ENTREP2: variants seen among roughly 807,000 people sequenced by gnomAD.
ENTREP2 encodes the protein protein ENTREP2.
chr15:29,499,577 T>C, the ENTREP2 span, among the ~76,000 whole-genome samples: 1 of 151,794 alleles, frequency 6.6e-6, no homozygotes, highest in Non-Finnish European at 1.5e-5. Flanking sequence ...GGTCTCACTA[T>C]GTTGCCCAGG....
At chr15:29,211,195 G>A in the ENTREP2 span, among the ~76,000 whole-genome samples, 73 of 152,302 alleles carry the variant, frequency 4.8e-4, no homozygotes, top group African/African-American at 1.6e-3. Context: ...AAATGAGGGA[G>A]GCCTCATTTG....
At chr15:29,571,375 C>T in the ENTREP2 span, among the ~76,000 whole-genome samples, 1 of 150,968 alleles carries the variant, frequency 6.6e-6, no homozygotes, top group African/African-American at 2.5e-5. Context: ...GCGCGCGGGG[C>T]GCTGAGGACG....
the ENTREP2 span, chr15:29,269,317 G>T: frequency 6.2e-7 from 1 of 1,614,148 alleles, no homozygotes; most frequent in Admixed American, 1.7e-5. Flanking sequence ...GCGCTCGGCG[G>T]CCCGTTTGAA....
the ENTREP2 span, chr15:29,269,290 C>T: frequency 6.2e-7 from 1 of 1,614,162 alleles, no homozygotes; most frequent in Non-Finnish European, 8.5e-7. Flanking sequence ...CAGCTTATAC[C>T]CGAAGACGTA....
the ENTREP2 span, among the ~76,000 whole-genome samples, chr15:29,341,023 C>A: frequency 6.6e-6 from 1 of 152,200 alleles, no homozygotes; most frequent in Non-Finnish European, 1.5e-5. Flanking sequence ...GGAGCCAGCA[C>A]CATCTCACAC....
At chr15:29,265,245 T>A in the ENTREP2 span, 1 of 152,236 alleles carries the variant, frequency 6.6e-6, no homozygotes, top group Non-Finnish European at 1.5e-5. Context: ...GAGCCTGCTG[T>A]AACTGCTTCT....
the ENTREP2 span, among the ~76,000 whole-genome samples, chr15:29,155,034 G>A: frequency 6.6e-6 from 1 of 151,862 alleles, no homozygotes; most frequent in Admixed American, 6.5e-5. Flanking sequence ...TGTAATCCCA[G>A]CACTTTGGGA....
the ENTREP2 span, among the ~76,000 whole-genome samples, chr15:29,568,826 G>A: frequency 6.6e-6 from 1 of 151,882 alleles, no homozygotes; most frequent in African/African-American, 2.4e-5. Context: ...AAACTAAAAT[G>A]TAGGGGATGA....
chr15:29,595,723 T>C, the ENTREP2 span, among the ~76,000 whole-genome samples: 2 of 152,188 alleles, frequency 1.3e-5, no homozygotes, highest in African/African-American at 4.8e-5. Context: ...TAATCTATCC[T>C]TCATTCACCT....
chr15:29,377,180 T>C, the ENTREP2 span, among the ~76,000 whole-genome samples: 1 of 152,124 alleles, frequency 6.6e-6, no homozygotes, highest in Admixed American at 6.5e-5. Context: ...TTAAAAATCA[T>C]TGAAATCAAG....
chr15:29,517,065 T>C, the ENTREP2 span, among the ~76,000 whole-genome samples: 1 of 150,220 alleles, frequency 6.7e-6, no homozygotes, highest in Non-Finnish European at 1.5e-5. Context: ...AAAGGCAGCA[T>C]GGCAGCAGCT....
the ENTREP2 span, among the ~76,000 whole-genome samples, chr15:29,621,174 G>C: frequency 6.6e-6 from 1 of 151,958 alleles, no homozygotes; most frequent in East Asian, 1.9e-4. Flanking sequence ...CGGATCACAA[G>C]GTCAGGAGAT....
chr15:29,621,576 G>C, the ENTREP2 span, among the ~76,000 whole-genome samples: 1 of 123,274 alleles, frequency 8.1e-6, no homozygotes, highest in Non-Finnish European at 1.6e-5. Flanking sequence ...GCACCATTAG[G>C]ATGGCCACTA....
At chr15:29,599,033 T>TC in the ENTREP2 span, among the ~76,000 whole-genome samples, 420 of 152,308 alleles carry the variant, frequency 2.8e-3, 13 homozygotes, top group Middle Eastern at 0.014. Context: ...CAAGGGTACT[T>TC]CCTCATCCCA....
the ENTREP2 span, among the ~76,000 whole-genome samples, chr15:29,641,310 G>A: frequency 3.9e-5 from 6 of 151,932 alleles, no homozygotes; most frequent in East Asian, 1.9e-4. Context: ...TCTAGCCAGC[G>A]AAATTAGGCA....
chr15:29,162,880 A>G, the ENTREP2 span, among the ~76,000 whole-genome samples: 1 of 151,994 alleles, frequency 6.6e-6, no homozygotes, highest in Non-Finnish European at 1.5e-5. Context: ...TAAACCACCA[A>G]AGCTAAGAGC....
At chr15:29,625,497 G>A in the ENTREP2 span, among the ~76,000 whole-genome samples, 8 of 152,264 alleles carry the variant, frequency 5.3e-5, no homozygotes, top group East Asian at 1.5e-3. Context: ...CCAGGCTCAA[G>A]TAGTTCTCCT....
At chr15:29,619,947 G>C in the ENTREP2 span, among the ~76,000 whole-genome samples, 1 of 152,078 alleles carries the variant, frequency 6.6e-6, no homozygotes, top group Non-Finnish European at 1.5e-5. Context: ...ACTCTAACTG[G>C]AGGATCCATT....
chr15:29,319,781 C>A, the ENTREP2 span, among the ~76,000 whole-genome samples: 1 of 152,208 alleles, frequency 6.6e-6, no homozygotes, highest in Admixed American at 6.5e-5. Flanking sequence ...AGAGATGCTG[C>A]TGGGCCAGCC....
Sources: allele counts gnomAD v4.1 joint callset (sites outside exome capture counted in the v4.1 genomes callset), GRCh38; gene constraint gnomAD v4.1.1; transcripts MANE v1.5; gene names NCBI Gene and HGNC (gene_info 2026-07-23, HGNC 2026-07-21).